C16orf74: variants seen among roughly 807,000 people sequenced by gnomAD.
The protein encoded by C16orf74 is calcimembrin.
A neutral mutation model predicts 6.5 loss-of-function variants in C16orf74; 10 were observed. That is an observed-to-expected ratio of 1.54 (90% CI 0.95 to 2.61). C16orf74 has a LOEUF of 2.61. Among genes scored for constraint, C16orf74 ranks in the 30% most tolerant of loss-of-function variants. The pLI, the probability that C16orf74 is intolerant of heterozygous loss-of-function variation, is 0.00. For synonymous variants in C16orf74, 60 were observed against 42.5 expected, an observed-to-expected ratio of 1.41 and a Z score of -1.60; for missense variants, 141 against 105.9, an observed-to-expected ratio of 1.33 and a Z score of -1.45.
intron 2 of C16orf74, among the ~76,000 whole-genome samples, chr16:85,718,890 C>A (rs1259563926): frequency 1.3e-5 from 2 of 152,114 alleles, no homozygotes; most frequent in Non-Finnish European, 2.9e-5. Context: ...ACTGTTCCAG[C>A]CCCGAGTGTG....
At chr16:85,741,010 G>T (rs957687434) in intron 1 of C16orf74, among the ~76,000 whole-genome samples, 1 of 152,072 alleles carries the variant, frequency 6.6e-6, no homozygotes, top group Non-Finnish European at 1.5e-5. Context: ...GATATTTGCA[G>T]GGCCTCTTCA....
chr16:85,739,876 G>C (rs1288855949), intron 1 of C16orf74, among the ~76,000 whole-genome samples: 3 of 152,136 alleles, frequency 2.0e-5, no homozygotes, highest in Admixed American at 1.3e-4. Flanking sequence ...TCAATATTAA[G>C]TTTTCTGATT....
At chr16:85,733,764 G>A (rs1234226239) in intron 2 of C16orf74, among the ~76,000 whole-genome samples, 1 of 152,120 alleles carries the variant, frequency 6.6e-6, no homozygotes, top group Non-Finnish European at 1.5e-5. Flanking sequence ...TCAGCCTGGA[G>A]TCTCAGAGGA....
At chr16:85,714,986 C>T (rs1272971874) in intron 2 of C16orf74, among the ~76,000 whole-genome samples, 2 of 151,198 alleles carry the variant, frequency 1.3e-5, no homozygotes, top group Non-Finnish European at 2.9e-5. Context: ...GAAACCCCGT[C>T]TCTACTAAAA....
intron 1 of C16orf74, among the ~76,000 whole-genome samples, chr16:85,748,943 T>TTTTTATTTTA (rs1567815873): frequency 1.4e-5 from 2 of 144,324 alleles, no homozygotes; most frequent in African/African-American, 5.1e-5. Flanking sequence ...TTTTTTTTTT[T>TTTTTATTTTA]TTTTATTTTA....
chr16:85,745,231 T>C (rs1435688607), intron 1 of C16orf74, among the ~76,000 whole-genome samples: 1 of 145,110 alleles, frequency 6.9e-6, no homozygotes, highest in African/African-American at 2.6e-5. Flanking sequence ...TGGGCAATTA[T>C]AAAAACTGAC....
intron 1 of C16orf74, among the ~76,000 whole-genome samples, chr16:85,739,469 G>A (rs917113074): frequency 2.0e-5 from 3 of 152,190 alleles, no homozygotes; most frequent in African/African-American, 7.2e-5. Context: ...AAATACTTCA[G>A]TAAAACAACA....
At position 85,748,109 on chromosome 16, in the gene C16orf74, T is replaced by C. The variant is rs192115113; in HGVS notation, c.-19+2817A>G. 5.6e-3 allele frequency among the ~76,000 whole-genome samples: 340 copies of C among 60,832 alleles called. 2 individuals carry two copies. Among genetic ancestry groups the C allele is most frequent in the African/African-American group, 0.012 (316 of 26,420 alleles). 39.9% of individuals were successfully genotyped at this position (60,832 alleles called of 152,430 possible). A position where few individuals can be genotyped will look rare whatever the true frequency, so the allele number is the denominator to read the frequency against. On this transcript the variant is annotated intron_variant, in intron 1 of 3. Transcript: ENST00000284245. ...TCAAAAAAATATATATATATATACA[T>C]ATATATATATGTGTGTGTGTATATA...
At chr16:85,726,335 TG>T (rs2054132614) in intron 2 of C16orf74, among the ~76,000 whole-genome samples, 2 of 152,202 alleles carry the variant, frequency 1.3e-5, no homozygotes, top group Non-Finnish European at 2.9e-5. Context: ...AGTACATGTT[TG>T]TGTGGAGTTG....
rs1197531061 is a variant in C16orf74, at chr16:85,750,958, GC to G, written c.-52del. The G allele has an allele frequency of 6.6e-6, 1 of 150,834 alleles. No individual in the cohort carries two copies. Among genetic ancestry groups the G allele is most frequent in the Middle Eastern group, 3.1e-3 (1 of 318 alleles). 9.3% of individuals were successfully genotyped at this position (150,834 alleles called of 1,614,324 possible). A position where few individuals can be genotyped will look rare whatever the true frequency, so the allele number is the denominator to read the frequency against. ...TTCTTGGTGGGCTCACTGCGGAGCC[GC>G]GCCCGAGGCGCGCGAGGCCCGCCCG... is the stretch of plus-strand genomic sequence containing the variant. On this transcript the variant is annotated 5_prime_UTR_variant, in exon 1 of 4. It removes the in-frame stop codon of an upstream open reading frame in the 5' UTR. Coordinates refer to ENST00000284245, the MANE Select transcript of C16orf74 (RefSeq NM_206967.3).
chr16:85,722,092 C>A, intron 2 of C16orf74, among the ~76,000 whole-genome samples: 1 of 150,250 alleles, frequency 6.7e-6, no homozygotes, highest in Non-Finnish European at 1.5e-5. Flanking sequence ...CTAACTCCTG[C>A]GCTCAGGTGA....
intron 1 of C16orf74, chr16:85,744,278 G>C (rs1017314298): frequency 7.6e-6 from 1 of 132,314 alleles, no homozygotes; most frequent in Non-Finnish European, 1.7e-5. Flanking sequence ...ATAAAATAAA[G>C]ATTTAATGGG....
At chr16:85,729,972 A>G (rs534597008) in intron 2 of C16orf74, among the ~76,000 whole-genome samples, 1 of 152,204 alleles carries the variant, frequency 6.6e-6, no homozygotes, top group East Asian at 1.9e-4. Context: ...CACGGTAGAG[A>G]TGGAAGCCAG....
In C16orf74 at chr16:85,730,103, G is replaced by C. The variant is rs565362846; in HGVS notation, c.28+5087C>G. Among the ~76,000 whole-genome samples, 22 of 152,270 alleles carry C rather than the reference G, an allele frequency of 1.4e-4. No individual in the cohort carries two copies. The South Asian group carries it at 3.9e-3, about 27-fold the overall frequency. ...GTTACACAGCCTCAGAGCCCCTGGG[G>C]GAGCTGAGGAAGGAGGAGGTGGCGA... On this transcript the variant is annotated intron_variant, in intron 2 of 3. Transcript: ENST00000284245.
Position 85,726,626 on chromosome 16 carries a change from G to A in C16orf74, c.28+8564C>T, listed in dbSNP as rs557866012. On this transcript the variant is annotated intron_variant, in intron 2 of 3. Transcript: ENST00000284245. Reference sequence around the variant, plus strand: ...GCTATTTTCTAACTCCTGGTTCAGCGGGGACTGGATTCCACCATGTGATCT... The same window carrying A: ...GCTATTTTCTAACTCCTGGTTCAGCAGGGACTGGATTCCACCATGTGATCT... Among the ~76,000 whole-genome samples, 36 of 152,264 alleles carry A rather than the reference G, an allele frequency of 2.4e-4. No individual in the cohort carries two copies. The South Asian group carries it at 6.4e-3, about 27-fold the overall frequency.
chr16:85,734,627 G>T (rs1250288676), intron 2 of C16orf74, among the ~76,000 whole-genome samples: 2 of 152,206 alleles, frequency 1.3e-5, no homozygotes, highest in Non-Finnish European at 2.9e-5. Flanking sequence ...AGGTAAAGAA[G>T]AGGGGCAGCA....
chr16:85,709,792 G>C (rs2053949455), intron 3 of C16orf74, among the ~76,000 whole-genome samples: 1 of 152,184 alleles, frequency 6.6e-6, no homozygotes, highest in South Asian at 2.1e-4. Flanking sequence ...AGTCTGTCCT[G>C]TCCGGCCAAA....
chr16:85,743,152 G>A (rs962724418), intron 1 of C16orf74: 6 of 152,224 alleles, frequency 3.9e-5, no homozygotes, highest in African/African-American at 1.2e-4. Flanking sequence ...AGAGACCACA[G>A]ATGCTTTCAT....
At chr16:85,735,749 G>GC (rs1161839503) in intron 1 of C16orf74, among the ~76,000 whole-genome samples, 2 of 63,262 alleles carry the variant, frequency 3.2e-5, no homozygotes, top group East Asian at 8.2e-4. Context: ...GAGGACGTGT[G>GC]GCCCCCCCAG....
Sources: gnomAD v4.1 joint callset for allele counts (sites outside exome capture counted in the v4.1 genomes callset) on GRCh38, gnomAD v4.1.1 for gene constraint, MANE v1.5 for transcripts, NCBI Gene and HGNC (gene_info 2026-07-23, HGNC 2026-07-21) for gene names.